Variants in ERI3 observed in about 807,000 individuals in gnomAD.
ERI3 encodes ERI1 exoribonuclease family member 3.
In ERI3, 18 loss-of-function variants were observed where a neutral mutation model predicts 44.4. That is an observed-to-expected ratio of 0.41 (90% CI 0.28 to 0.60). The LOEUF is 0.60. Ranked by LOEUF, ERI3 falls within the 20% of genes least tolerant of loss-of-function variation. The pLI is 0.36. For synonymous variants in ERI3, 183 were observed against 164.8 expected (o/e 1.11, Z -0.84); for missense variants, 294 against 435.5 (o/e 0.68, Z 2.89).
chr1:44,330,600 G>T (rs1480643070), intron 3 of ERI3, among the ~76,000 whole-genome samples: 1 of 152,208 alleles, frequency 6.6e-6, no homozygotes, highest in African/African-American at 2.4e-5. Flanking sequence ...TTCTGCCTGT[G>T]CCAGCCTGTT....
intron 4 of ERI3, among the ~76,000 whole-genome samples, chr1:44,317,144 G>GCACACACACACA (rs10670781): frequency 6.6e-4 from 99 of 151,124 alleles, no homozygotes; most frequent in Admixed American, 1.2e-3. Context: ...GCATGTGCGT[G>GCACACACACACA]CACACACACA....
At position 44,275,986 on chromosome 1, in the gene ERI3, G is replaced by A. The variant is rs188973; in HGVS notation, c.831+8849C>T. Among the ~76,000 whole-genome samples the A allele has an allele frequency of 8.7e-3, 1,331 of 152,328 alleles. 22 individuals are homozygous for A. Among genetic ancestry groups the A allele is most frequent in the African/African-American group, 0.03 (1,240 of 41,564 alleles). On this transcript the variant is annotated intron_variant, in intron 7 of 8. Coordinates refer to ENST00000372257, the MANE Select transcript of ERI3 (RefSeq NM_024066.3). The stretch of plus-strand genomic sequence containing the variant: ...ATTAGGCATCGGGTGAGTGCCTCAG[G>A]CTGCTTCCACTCAAGGCAGAAAGTG...
At chr1:44,348,895 C>T (rs1464210407) in intron 2 of ERI3, among the ~76,000 whole-genome samples, 2 of 152,196 alleles carry the variant, frequency 1.3e-5, no homozygotes, top group Non-Finnish European at 2.9e-5. Context: ...TCAGTTTCTT[C>T]ATATGGTATC....
chr1:44,262,180 C>A (rs560526188), intron 7 of ERI3, among the ~76,000 whole-genome samples: 4 of 152,264 alleles, frequency 2.6e-5, no homozygotes, highest in Admixed American at 2.0e-4. Context: ...ACAATAACCC[C>A]CACTGGGCCC....
intron 3 of ERI3, among the ~76,000 whole-genome samples, chr1:44,328,792 T>C (rs529079265): frequency 6.6e-6 from 1 of 152,322 alleles, no homozygotes; most frequent in South Asian, 2.1e-4. Context: ...TCAGAGCCCA[T>C]GGCTCTCAGC....
In ERI3 at chr1:44,221,350, G is replaced by A; in HGVS notation, c.*208C>T. On this transcript the variant is annotated 3_prime_UTR_variant, in exon 9 of 9. Coordinates refer to ENST00000372257, the MANE Select transcript of ERI3 (RefSeq NM_024066.3). This position sits in a 1 kb window ranked among gnomAD's most constrained non-coding sequence, Gnocchi z 5.9. Reference sequence around the variant, plus strand: ...CTGAGATTGAGGGGTGGGGATGGGGGGCACAAAGTGTCTGCTCCAGAAGGG... The same window carrying A: ...CTGAGATTGAGGGGTGGGGATGGGGAGCACAAAGTGTCTGCTCCAGAAGGG... 1.8e-6 allele frequency: 1 copy of A among 567,276 alleles called. No homozygotes were observed. 35.1% of individuals were successfully genotyped at this position (567,276 alleles called of 1,614,324 possible). A position where few individuals can be genotyped will look rare whatever the true frequency, so the allele number is the denominator to read the frequency against.
rs1361509778 is a variant in ERI3 at position 44,228,953 on chromosome 1, T to G, written c.932-7313A>C. ...ACGTCATTCAAACCCCAATACAGAATGAGGACAGAAACCACGTTGGGCAGC... is the reference window on the plus strand; with the variant it reads ...ACGTCATTCAAACCCCAATACAGAAGGAGGACAGAAACCACGTTGGGCAGC... On this transcript the variant is annotated intron_variant, in intron 8 of 8. Transcript: ENST00000372257. The surrounding 1 kb of genome is among the most constrained non-coding windows in gnomAD (Gnocchi z 4.3). 6.6e-6 allele frequency among the ~76,000 whole-genome samples: 1 copy of G among 152,042 alleles called. No homozygotes were observed. Among genetic ancestry groups the G allele is most frequent in the Non-Finnish European group, 1.5e-5 (1 of 68,000 alleles).
intron 7 of ERI3, among the ~76,000 whole-genome samples, chr1:44,281,600 A>AT (rs1207105743): frequency 0.011 from 1,506 of 137,552 alleles, 9 homozygotes; most frequent in African/African-American, 0.026. Flanking sequence ...AAAAAAAAAA[A>AT]AATATATATA....
intron 8 of ERI3, among the ~76,000 whole-genome samples, chr1:44,231,935 A>G (rs1644194722): frequency 6.6e-6 from 1 of 152,178 alleles, no homozygotes; most frequent in Non-Finnish European, 1.5e-5. Flanking sequence ...AACTGCACAT[A>G]ATGTCTGGGA....
chr1:44,339,838 T>A (rs1164925079), intron 2 of ERI3, among the ~76,000 whole-genome samples: 1 of 152,200 alleles, frequency 6.6e-6, no homozygotes, highest in Non-Finnish European at 1.5e-5. Context: ...TGTATCTTGA[T>A]GTCTCCACAT....
At chr1:44,248,160 C>T (rs529570519) in intron 7 of ERI3, 122 bp from the exon 8 acceptor site, 6 of 611,292 alleles carry the variant, frequency 9.8e-6, no homozygotes, top group East Asian at 6.3e-5. Flanking sequence ...AATGCCATCT[C>T]GTGAGAGTCC....
intron 6 of ERI3, among the ~76,000 whole-genome samples, chr1:44,290,898 G>C (rs1645493083): frequency 6.6e-6 from 1 of 152,146 alleles, no homozygotes; most frequent in Non-Finnish European, 1.5e-5. Context: ...ATATGACCAA[G>C]GGGAGGGAAG....
At chr1:44,251,778 T>C (rs1291161) in intron 7 of ERI3, among the ~76,000 whole-genome samples, 65,410 of 151,986 alleles carry the variant, frequency 0.43, 15,992 homozygotes, top group African/African-American at 0.68. Context: ...GAAGGCACTG[T>C]CTCTCAACTC....
At chr1:44,226,776 TAAACACA>T (rs1644050480) in intron 8 of ERI3, among the ~76,000 whole-genome samples, 1 of 71,730 alleles carries the variant, frequency 1.4e-5, no homozygotes, top group South Asian at 5.8e-4. Flanking sequence ...TCAGCATTAT[TAAACACA>T]CACACACACA....
intron 2 of ERI3, among the ~76,000 whole-genome samples, chr1:44,343,449 C>T (rs993643208): frequency 9.9e-5 from 15 of 152,164 alleles, no homozygotes; most frequent in African/African-American, 3.4e-4. Context: ...AAGAACAAAG[C>T]ATCATTTCTG....
chr1:44,296,028 C>G (rs1645603394), intron 6 of ERI3, among the ~76,000 whole-genome samples: 1 of 151,980 alleles, frequency 6.6e-6, no homozygotes, highest in Non-Finnish European at 1.5e-5. Context: ...GGGAGGGGGC[C>G]AGGAAGGCAA....
intron 3 of ERI3, among the ~76,000 whole-genome samples, chr1:44,333,717 G>A (rs1014272546): frequency 6.6e-6 from 1 of 152,130 alleles, no homozygotes; most frequent in Non-Finnish European, 1.5e-5. Context: ...TTTCCAAAAT[G>A]TCTCTTTCAC....
At chr1:44,283,178 CCCA>C (rs1645324170) in intron 7 of ERI3, among the ~76,000 whole-genome samples, 2 of 152,180 alleles carry the variant, frequency 1.3e-5, no homozygotes. Flanking sequence ...CATGCCTAGC[CCCA>C]CCACATGCCT....
chr1:44,227,122 G>C (rs1272806882), intron 8 of ERI3, among the ~76,000 whole-genome samples: 1 of 152,178 alleles, frequency 6.6e-6, no homozygotes, highest in Non-Finnish European at 1.5e-5. Flanking sequence ...GCAAGCTGCT[G>C]ATCTTATGGG....
Sources: gnomAD v4.1 joint callset for allele counts (sites outside exome capture counted in the v4.1 genomes callset) on GRCh38, gnomAD v4.1.1 for gene constraint, Gnocchi (gnomAD v3.1) non-coding constraint, MANE v1.5 for transcripts, NCBI Gene and HGNC (gene_info 2026-07-23, HGNC 2026-07-21) for gene names.